Variants in RIT2 observed in about 807,000 individuals in gnomAD.
The protein encoded by RIT2 is Ras like without CAAX 2.
Under a neutral mutation model 23.7 loss-of-function variants are expected in RIT2, and 24 were observed. The ratio of observed to expected loss-of-function variants is 1.01; its 90% CI spans 0.73 to 1.43. RIT2 has a LOEUF of 1.43. RIT2 is among the 40% of genes most tolerant of loss of function. The pLI is 0.00. For synonymous variants in RIT2, 107 were observed against 91.1 expected, an observed-to-expected ratio of 1.17 and a Z score of -0.99; for missense variants, 236 against 266.9, an observed-to-expected ratio of 0.88 and a Z score of 0.81.
intron 3 of RIT2, among the ~76,000 whole-genome samples, chr18:42,954,076 G>A (rs868018609): frequency 2.0e-5 from 3 of 152,128 alleles, no homozygotes; most frequent in South Asian, 2.1e-4. Flanking sequence ...AAGTAGCAGC[G>A]TATCTTTTAA....
At chr18:42,772,649 C>T (rs1002648298) in intron 4 of RIT2, among the ~76,000 whole-genome samples, 12 of 152,210 alleles carry the variant, frequency 7.9e-5, no homozygotes, top group Middle Eastern at 3.4e-3. Flanking sequence ...GCTCTTTGAC[C>T]GTGGTTCCTG....
chr18:42,812,262 C>T (rs886927039), intron 4 of RIT2, among the ~76,000 whole-genome samples: 3 of 152,116 alleles, frequency 2.0e-5, no homozygotes, highest in South Asian at 4.2e-4. Flanking sequence ...TCCATATTCC[C>T]ATTTTCCTGC....
intron 4 of RIT2, among the ~76,000 whole-genome samples, chr18:42,746,384 G>A (rs1421307434): frequency 1.3e-5 from 2 of 152,030 alleles, no homozygotes; most frequent in African/African-American, 4.8e-5. Context: ...ATCACCTGCA[G>A]TTGCAGTACC....
At chr18:43,044,202 T>G (rs745634906) in intron 1 of RIT2, among the ~76,000 whole-genome samples, 1 of 152,202 alleles carries the variant, frequency 6.6e-6, no homozygotes, top group African/African-American at 2.4e-5. Flanking sequence ...CTTTTAATAC[T>G]GACAATGTTG....
intron 3 of RIT2, among the ~76,000 whole-genome samples, chr18:42,942,515 T>A (rs1006213441): frequency 2.0e-5 from 3 of 152,142 alleles, no homozygotes; most frequent in African/African-American, 7.2e-5. Flanking sequence ...TTTTCATCAA[T>A]GTTGTTTTGT....
At chr18:43,006,486 AATAAC>A (rs1187053472) in intron 2 of RIT2, among the ~76,000 whole-genome samples, 1 of 151,604 alleles carries the variant, frequency 6.6e-6, no homozygotes, top group Non-Finnish European at 1.5e-5. Flanking sequence ...CAAGATATTA[AATAAC>A]ATAAATCAGA....
intron 1 of RIT2, among the ~76,000 whole-genome samples, chr18:43,081,661 C>T (rs1598775406): frequency 6.6e-6 from 1 of 152,220 alleles, no homozygotes; most frequent in South Asian, 2.1e-4. Flanking sequence ...CTCCTGATTA[C>T]TAAGAGGGAG....
intron 4 of RIT2, among the ~76,000 whole-genome samples, chr18:42,831,813 C>T (rs1906466260): frequency 6.6e-6 from 1 of 152,208 alleles, no homozygotes; most frequent in Admixed American, 6.5e-5. Context: ...ATCAAACATA[C>T]ATCTTCATGT....
intron 4 of RIT2, among the ~76,000 whole-genome samples, chr18:42,886,446 T>C (rs1371727828): frequency 6.6e-6 from 1 of 152,206 alleles, no homozygotes; most frequent in Non-Finnish European, 1.5e-5. Flanking sequence ...TATGAACTAA[T>C]AACTCAACTG....
At chr18:42,923,456 C>A in intron 4 of RIT2, 116 bp downstream of exon 4, 1 of 858,566 alleles carries the variant, frequency 1.2e-6, no homozygotes. Flanking sequence ...TTAGAAAAAT[C>A]ATGTGCATAA....
At chr18:42,825,149 A>G (rs576872345) in intron 4 of RIT2, among the ~76,000 whole-genome samples, 1 of 152,014 alleles carries the variant, frequency 6.6e-6, no homozygotes, top group East Asian at 1.9e-4. Context: ...TTTGTAAGTA[A>G]CTGATGAAAA....
At chr18:42,894,153 G>A (rs1048995268) in intron 4 of RIT2, among the ~76,000 whole-genome samples, 2 of 152,102 alleles carry the variant, frequency 1.3e-5, no homozygotes, top group Admixed American at 1.3e-4. Context: ...ATCCTGTGGT[G>A]GCAATGACAC....
chr18:42,784,833 C>G (rs964023188), intron 4 of RIT2, among the ~76,000 whole-genome samples: 1 of 152,026 alleles, frequency 6.6e-6, no homozygotes, highest in African/African-American at 2.4e-5. Context: ...ATTGAATGCA[C>G]TTTGAATTCA....
chr18:43,013,395 G>C (rs1432341657), intron 2 of RIT2, among the ~76,000 whole-genome samples: 1 of 151,728 alleles, frequency 6.6e-6, no homozygotes, highest in Non-Finnish European at 1.5e-5. Flanking sequence ...CAATGTCCAG[G>C]AATCGTGACT....
intron 1 of RIT2, among the ~76,000 whole-genome samples, chr18:43,046,020 T>C (rs1912238816): frequency 6.6e-6 from 1 of 152,194 alleles, no homozygotes; most frequent in Non-Finnish European, 1.5e-5. Flanking sequence ...ATTTTTCTTT[T>C]CACAACATAT....
At chr18:42,897,765 A>T (rs1018186732) in intron 4 of RIT2, among the ~76,000 whole-genome samples, 5 of 152,178 alleles carry the variant, frequency 3.3e-5, no homozygotes, top group Non-Finnish European at 7.3e-5. Context: ...ATATAATTTT[A>T]AAAAAAGGAT....
chr18:43,006,567 GCTTAAGT>G (rs1406741802), intron 2 of RIT2, among the ~76,000 whole-genome samples: 1 of 151,488 alleles, frequency 6.6e-6, no homozygotes, highest in African/African-American at 2.4e-5. Flanking sequence ...AGAAATAAAG[GCTTAAGT>G]AGAAAGAGCT....
chr18:42,983,013 G>T (rs1180488110), intron 2 of RIT2, among the ~76,000 whole-genome samples: 4 of 151,878 alleles, frequency 2.6e-5, no homozygotes, highest in South Asian at 2.1e-4. Context: ...ATTTGGAATA[G>T]AATTTTAATT....
intron 2 of RIT2, among the ~76,000 whole-genome samples, chr18:43,025,518 A>G (rs879934758): frequency 6.6e-6 from 1 of 152,120 alleles, no homozygotes; most frequent in Non-Finnish European, 1.5e-5. Context: ...TAGCAATGAC[A>G]TGGAATCAAA....
Sources: allele counts gnomAD v4.1 joint callset (sites outside exome capture counted in the v4.1 genomes callset), GRCh38; gene constraint gnomAD v4.1.1; transcripts MANE v1.5; gene names NCBI Gene and HGNC (gene_info 2026-07-23, HGNC 2026-07-21).